RYR3: variants seen among roughly 807,000 people sequenced by gnomAD.
The protein encoded by RYR3 is ryanodine receptor 3.
In RYR3, 207 loss-of-function variants were observed where a neutral mutation model predicts 584.3. That is an observed-to-expected ratio of 0.35 (90% CI 0.32 to 0.40). RYR3 has a LOEUF of 0.40. Ranked by LOEUF, RYR3 falls within the 10% of genes least tolerant of loss-of-function variation. The pLI is 1.00. For missense variants in RYR3, 5,616 were observed against 6,089.2 expected, an observed-to-expected ratio of 0.92 and a Z score of 2.59; for synonymous variants, 2,416 against 2,248.5, an observed-to-expected ratio of 1.07 and a Z score of -2.11.
At chr15:33,860,691 T>C (rs757639106) in intron 101 of RYR3, 32 bp downstream of exon 101, 8 of 1,418,846 alleles carry the variant, frequency 5.6e-6, no homozygotes, top group Non-Finnish European at 7.8e-6. Context: ...ATCCCAGCTC[T>C]ATTTTAATAT....
intron 14 of RYR3, among the ~76,000 whole-genome samples, chr15:33,582,467 C>T (rs941603531): frequency 6.6e-6 from 1 of 152,186 alleles, no homozygotes; most frequent in Non-Finnish European, 1.5e-5. Context: ...CTGTATGACC[C>T]TGTAAAGTGT....
intron 3 of RYR3, 40 bp downstream of exon 3, chr15:33,503,778 C>A (rs1253780114): frequency 8.6e-7 from 1 of 1,160,814 alleles, no homozygotes. Flanking sequence ...GATTGGGGTG[C>A]ACCACATCCC....
intron 2 of RYR3, among the ~76,000 whole-genome samples, chr15:33,498,283 T>C (rs1459584955): frequency 6.6e-6 from 1 of 152,220 alleles, no homozygotes; most frequent in East Asian, 1.9e-4. Context: ...ATAATAGCTA[T>C]ACTAATTTAC....
intron 43 of RYR3, among the ~76,000 whole-genome samples, chr15:33,712,351 G>T (rs2152795123): frequency 6.6e-6 from 1 of 152,262 alleles, no homozygotes; most frequent in East Asian, 1.9e-4. Flanking sequence ...TGATGATGAT[G>T]GCTGAGCCTA....
At chr15:33,650,431 C>A (rs912282937) in intron 31 of RYR3, among the ~76,000 whole-genome samples, 11 of 152,090 alleles carry the variant, frequency 7.2e-5, no homozygotes, top group Admixed American at 7.2e-4. Context: ...TGCCTGGGTT[C>A]TTAGGGGTAT....
chr15:33,853,449 C>T, intron 95 of RYR3, 106 bp from the exon 96 acceptor site: 1 of 1,373,120 alleles, frequency 7.3e-7, no homozygotes, highest in South Asian at 1.7e-5. Flanking sequence ...TTCATCTACC[C>T]CTTGGAAGAT....
chr15:33,763,935 TGG>T (rs1190404773), intron 60 of RYR3, among the ~76,000 whole-genome samples: 4 of 91,686 alleles, frequency 4.4e-5, no homozygotes, highest in Non-Finnish European at 8.7e-5. Flanking sequence ...CAACAGATGC[TGG>T]AGAGAGGATG....
At chr15:33,539,925 G>A (rs1332248778) in intron 6 of RYR3, among the ~76,000 whole-genome samples, 1 of 152,056 alleles carries the variant, frequency 6.6e-6, no homozygotes, top group African/African-American at 2.4e-5. Context: ...AGAAGGAGGG[G>A]TTGATCTTGC....
intron 1 of RYR3, among the ~76,000 whole-genome samples, chr15:33,399,109 C>T (rs1020828974): frequency 1.3e-5 from 2 of 152,148 alleles, no homozygotes; most frequent in Non-Finnish European, 2.9e-5. Context: ...CTTAAGAATC[C>T]ATCACACCTA....
intron 1 of RYR3, among the ~76,000 whole-genome samples, chr15:33,371,712 G>A (rs749137948): frequency 1.3e-5 from 2 of 152,152 alleles, no homozygotes; most frequent in African/African-American, 4.8e-5. Flanking sequence ...CATTTTCTGG[G>A]AACCAATGAC....
At chr15:33,832,612 G>A (rs548736872) in intron 86 of RYR3, among the ~76,000 whole-genome samples, 4 of 150,118 alleles carry the variant, frequency 2.7e-5, no homozygotes, top group South Asian at 4.3e-4. Flanking sequence ...AGCCGAGATC[G>A]CGCCATTGCA....
At chr15:33,762,821 G>A (rs976933901) in intron 60 of RYR3, among the ~76,000 whole-genome samples, 15 of 152,112 alleles carry the variant, frequency 9.9e-5, no homozygotes, top group African/African-American at 3.4e-4. Flanking sequence ...ACAATCCTAA[G>A]GAAAAAGAAC....
intron 38 of RYR3, among the ~76,000 whole-genome samples, chr15:33,675,790 G>A (rs1235028276): frequency 6.6e-6 from 1 of 152,098 alleles, no homozygotes; most frequent in Non-Finnish European, 1.5e-5. Flanking sequence ...TGCCATCTTA[G>A]GCACAAATCA....
intron 41 of RYR3, among the ~76,000 whole-genome samples, chr15:33,700,202 A>G (rs1398916734): frequency 6.6e-6 from 1 of 152,190 alleles, no homozygotes; most frequent in African/African-American, 2.4e-5. Context: ...TGCTGATGAG[A>G]CCAAGGTCAT....
At chr15:33,626,750 C>T (rs1396901838) in intron 20 of RYR3, among the ~76,000 whole-genome samples, 1 of 152,168 alleles carries the variant, frequency 6.6e-6, no homozygotes, top group African/African-American at 2.4e-5. Context: ...AGGTACAGCT[C>T]AGGCCATGGC....
intron 87 of RYR3, among the ~76,000 whole-genome samples, chr15:33,835,879 G>C (rs1210233818): frequency 6.6e-6 from 1 of 150,802 alleles, no homozygotes; most frequent in Non-Finnish European, 1.5e-5. Flanking sequence ...AAGAGCCCTG[G>C]CCCTGCCACC....
intron 1 of RYR3, among the ~76,000 whole-genome samples, chr15:33,388,951 A>G (rs1353067504): frequency 6.6e-6 from 1 of 151,872 alleles, no homozygotes; most frequent in Non-Finnish European, 1.5e-5. Flanking sequence ...AGGAACATGG[A>G]TGAAGCTGGA....
intron 60 of RYR3, among the ~76,000 whole-genome samples, chr15:33,764,011 T>G (rs1018882370): frequency 3.3e-5 from 5 of 151,442 alleles, no homozygotes; most frequent in African/African-American, 9.7e-5. Context: ...CATTGTGGAA[T>G]ACAGTGTGGC....
intron 1 of RYR3, among the ~76,000 whole-genome samples, chr15:33,315,087 T>C (rs1386673147): frequency 6.6e-6 from 1 of 152,220 alleles, no homozygotes; most frequent in Non-Finnish European, 1.5e-5. Flanking sequence ...TTTGCAGCTC[T>C]CGAGGGATGA....
Sources: gnomAD v4.1 joint callset for allele counts (sites outside exome capture counted in the v4.1 genomes callset) on GRCh38, gnomAD v4.1.1 for gene constraint, MANE v1.5 for transcripts, NCBI Gene and HGNC (gene_info 2026-07-23, HGNC 2026-07-21) for gene names.